Variants in LDB2 observed in about 807,000 individuals in gnomAD.
The protein encoded by LDB2 is LIM domain-binding protein 2.
In LDB2, 12 loss-of-function variants were observed where a neutral mutation model predicts 44.3. The observed-to-expected ratio is 0.27, with a 90% CI of 0.17 to 0.44. The LOEUF is 0.44. Ranked by LOEUF, LDB2 falls within the 20% of genes least tolerant of loss-of-function variation. The pLI, the probability that LDB2 is intolerant of heterozygous loss-of-function variation, is 1.00. For missense variants in LDB2, 344 were observed against 473.5 expected, an observed-to-expected ratio of 0.73 and a Z score of 2.54; for synonymous variants, 164 against 174.8, an observed-to-expected ratio of 0.94 and a Z score of 0.49.
At chr4:16,777,883 CTTTCT>C (rs1291512329) in intron 1 of LDB2, among the ~76,000 whole-genome samples, 1 of 152,174 alleles carries the variant, frequency 6.6e-6, no homozygotes, top group East Asian at 1.9e-4. Context: ...TTAGCTATCA[CTTTCT>C]TTTCTTTCTC....
intron 1 of LDB2, among the ~76,000 whole-genome samples, chr4:16,843,012 G>GA (rs980323885): frequency 2.1e-4 from 32 of 152,158 alleles, no homozygotes; most frequent in African/African-American, 7.7e-4. Flanking sequence ...ATTGCCAACA[G>GA]AAAAAAGACA....
intron 2 of LDB2, among the ~76,000 whole-genome samples, chr4:16,745,402 G>C (rs1271452576): frequency 6.6e-6 from 1 of 152,216 alleles, no homozygotes; most frequent in Non-Finnish European, 1.5e-5. Context: ...AACTTTCTGA[G>C]CTCCAAAGAT....
chr4:16,813,829 G>A (rs1780358270), intron 1 of LDB2, among the ~76,000 whole-genome samples: 2 of 151,868 alleles, frequency 1.3e-5, no homozygotes, highest in African/African-American at 4.8e-5. Flanking sequence ...GGCTTTGGCG[G>A]GTAAAGGGGC....
At chr4:16,886,245 A>G (rs1462939705) in intron 1 of LDB2, among the ~76,000 whole-genome samples, 2 of 152,116 alleles carry the variant, frequency 1.3e-5, no homozygotes, top group Non-Finnish European at 2.9e-5. Context: ...AACAAACAAA[A>G]GCTGATCTCA....
chr4:16,864,074 T>C (rs1047237786), intron 1 of LDB2, among the ~76,000 whole-genome samples: 12 of 152,104 alleles, frequency 7.9e-5, no homozygotes, highest in Non-Finnish European at 1.2e-4. Context: ...TACTCCCACC[T>C]ACCTGTACTC....
intron 5 of LDB2, among the ~76,000 whole-genome samples, chr4:16,517,295 T>G (rs1272252622): frequency 3.9e-5 from 6 of 152,134 alleles, no homozygotes; most frequent in African/African-American, 1.4e-4. Context: ...GTAATAAGTA[T>G]GAGCCAGGTT....
At chr4:16,747,270 T>C (rs1042783775) in intron 2 of LDB2, among the ~76,000 whole-genome samples, 1 of 152,134 alleles carries the variant, frequency 6.6e-6, no homozygotes, top group Non-Finnish European at 1.5e-5. Flanking sequence ...ATTACTGATT[T>C]TGGGCCCATC....
chr4:16,568,634 G>A (rs1010185302), intron 5 of LDB2, among the ~76,000 whole-genome samples: 12 of 152,080 alleles, frequency 7.9e-5, no homozygotes, highest in African/African-American at 2.9e-4. Flanking sequence ...ATTGGTTCCA[G>A]GACCCCCACG....
chr4:16,531,543 C>A (rs1395023142), intron 5 of LDB2, among the ~76,000 whole-genome samples: 1 of 152,208 alleles, frequency 6.6e-6, no homozygotes, highest in African/African-American at 2.4e-5. Context: ...AGCCATAGGA[C>A]CTTATCACTA....
intron 1 of LDB2, among the ~76,000 whole-genome samples, chr4:16,770,055 TGTTA>T (rs1027834329): frequency 4.6e-5 from 7 of 152,242 alleles, no homozygotes; most frequent in African/African-American, 1.4e-4. Flanking sequence ...CAAACAGAAA[TGTTA>T]GTTAGAATAA....
At chr4:16,651,500 C>T (rs186578789) in intron 2 of LDB2, among the ~76,000 whole-genome samples, 59 of 152,216 alleles carry the variant, frequency 3.9e-4, no homozygotes, top group Admixed American at 5.2e-4. Flanking sequence ...AGAGCTGTGT[C>T]TATGTCTGGA....
intron 1 of LDB2, among the ~76,000 whole-genome samples, chr4:16,771,473 T>A (rs949190393): frequency 6.6e-6 from 1 of 152,164 alleles, no homozygotes; most frequent in Non-Finnish European, 1.5e-5. Flanking sequence ...TCTAACTGCC[T>A]CACTCACCTC....
chr4:16,659,717 G>GTAAT (rs1490059239), intron 2 of LDB2, among the ~76,000 whole-genome samples: 8 of 142,990 alleles, frequency 5.6e-5, no homozygotes, highest in African/African-American at 2.1e-4. Context: ...ATGTAACAAG[G>GTAAT]TAATCGGCCT....
At chr4:16,839,735 A>T (rs2110100345) in intron 1 of LDB2, among the ~76,000 whole-genome samples, 1 of 152,336 alleles carries the variant, frequency 6.6e-6, no homozygotes, top group East Asian at 1.9e-4. Context: ...AAACTAAAAA[A>T]GATACTATTA....
chr4:16,652,880 A>G (rs1402154862), intron 2 of LDB2, among the ~76,000 whole-genome samples: 2 of 152,106 alleles, frequency 1.3e-5, no homozygotes, highest in East Asian at 1.9e-4. Context: ...ACTCAGGAGG[A>G]GCTATTAGCA....
At chr4:16,804,535 T>C (rs575486179) in intron 1 of LDB2, among the ~76,000 whole-genome samples, 5 of 152,208 alleles carry the variant, frequency 3.3e-5, no homozygotes, top group Admixed American at 6.5e-5. Flanking sequence ...TGAAGTTTTG[T>C]TCCCAAGGAA....
chr4:16,509,383 T>C (rs2152223391), intron 6 of LDB2, among the ~76,000 whole-genome samples: 1 of 152,252 alleles, frequency 6.6e-6, no homozygotes, highest in Admixed American at 6.5e-5. Flanking sequence ...GCCAGCATAT[T>C]ACTGAGGGGA....
At chr4:16,857,273 C>T (rs1032571173) in intron 1 of LDB2, among the ~76,000 whole-genome samples, 2 of 152,168 alleles carry the variant, frequency 1.3e-5, no homozygotes, top group Non-Finnish European at 2.9e-5. Context: ...TGGAATCTTA[C>T]GTGCCCTTTT....
intron 5 of LDB2, among the ~76,000 whole-genome samples, chr4:16,563,901 C>A (rs1743508481): frequency 6.6e-6 from 1 of 152,126 alleles, no homozygotes; most frequent in African/African-American, 2.4e-5. Flanking sequence ...TTCCACAGAT[C>A]TCCAGATCAG....
Sources: allele counts gnomAD v4.1 joint callset (sites outside exome capture counted in the v4.1 genomes callset), GRCh38; gene constraint gnomAD v4.1.1; transcripts MANE v1.5; gene names NCBI Gene and HGNC (gene_info 2026-07-23, HGNC 2026-07-21).